GRIK3: variants seen among roughly 807,000 people sequenced by gnomAD.
GRIK3 encodes glutamate receptor ionotropic, kainate 3.
A neutral mutation model predicts 102.5 loss-of-function variants in GRIK3; 29 were observed. The ratio of observed to expected loss-of-function variants is 0.28; its 90% CI spans 0.21 to 0.39. GRIK3 has a LOEUF of 0.39. Among genes scored for constraint, GRIK3 ranks in the 10% least tolerant of loss-of-function variants. The pLI is 1.00. For missense variants in GRIK3, 908 were observed against 1,252.4 expected, an observed-to-expected ratio of 0.73 and a Z score of 4.15; for synonymous variants, 511 against 504.9, an observed-to-expected ratio of 1.01 and a Z score of -0.16.
At chr1:36,957,394 AATCTGTGCCCCGTGAGCCTGTG>A in intron 1 of GRIK3, among the ~76,000 whole-genome samples, 1 of 137,614 alleles carries the variant, frequency 7.3e-6, no homozygotes, top group East Asian at 2.2e-4. Flanking sequence ...GTGCTCTGTG[AATCTGTGCCCCGTGAGCCTGTG>A]TGCCCCATGA....
At chr1:36,873,153 C>T (rs995929397) in intron 3 of GRIK3, among the ~76,000 whole-genome samples, 4 of 152,340 alleles carry the variant, frequency 2.6e-5, no homozygotes, top group Non-Finnish European at 4.4e-5. Flanking sequence ...CTGCCACCAG[C>T]ACGTTGATAT....
rs191940222 is a variant in GRIK3 at position 36,909,502 on chromosome 1, C to T, written c.116-18406G>A. Among the ~76,000 whole-genome samples the T allele has an allele frequency of 1.7e-3, 255 of 152,190 alleles. 2 individuals are homozygous for T. The highest frequency in any genetic ancestry group is 2.9e-3 in the Admixed American group (44 of 15,298). On this transcript the variant is annotated intron_variant, in intron 1 of 15. Transcript: ENST00000373091. Reference sequence around the variant, plus strand: ...TTTTGGTAGAGACGGGGTTTCACCACGTTGACCAGGCTGATTTCGAACTCT... The same window carrying T: ...TTTTGGTAGAGACGGGGTTTCACCATGTTGACCAGGCTGATTTCGAACTCT...
In GRIK3 at chr1:37,015,816, A is replaced by G. The variant is rs370687993; in HGVS notation, c.115+18178T>C. 7.2e-5 allele frequency among the ~76,000 whole-genome samples: 11 copies of G among 152,338 alleles called. No individual in the cohort carries two copies. The South Asian group carries it at 1.7e-3, about 23-fold the overall frequency. On this transcript the variant is annotated intron_variant, in intron 1 of 15. Coordinates refer to ENST00000373091, the MANE Select transcript of GRIK3 (RefSeq NM_000831.4). ...CTGTGTGGTTTGTTATCCAGGCCCAATTAGTTGCTGGGTCTGTGTTGGAGA... is the reference window on the plus strand; with the variant it reads ...CTGTGTGGTTTGTTATCCAGGCCCAGTTAGTTGCTGGGTCTGTGTTGGAGA...
intron 1 of GRIK3, among the ~76,000 whole-genome samples, chr1:37,033,545 G>A (rs945007028): frequency 1.1e-4 from 16 of 152,226 alleles, no homozygotes; most frequent in Admixed American, 3.3e-4. Flanking sequence ...GCGGCTGCTC[G>A]AGCTATGCCA....
intron 10 of GRIK3, among the ~76,000 whole-genome samples, chr1:36,837,077 T>C (rs1237279314): frequency 6.6e-6 from 1 of 151,934 alleles, no homozygotes; most frequent in Non-Finnish European, 1.5e-5. Flanking sequence ...AGCCCAGGCA[T>C]CCTGTGGCTT....
intron 15 of GRIK3, among the ~76,000 whole-genome samples, chr1:36,802,670 G>A (rs1031364350): frequency 6.6e-6 from 1 of 152,166 alleles, no homozygotes; most frequent in Non-Finnish European, 1.5e-5. Context: ...CATCAAGAGC[G>A]CAGCGTTTCC....
chr1:37,010,727 CTTTTTTTTT>C (rs60750637), intron 1 of GRIK3, among the ~76,000 whole-genome samples: 1 of 102,488 alleles, frequency 9.8e-6, no homozygotes, highest in Non-Finnish European at 1.8e-5. Context: ...ACCTGTACCA[CTTTTTTTTT>C]TTTTTTTTTT....
chr1:36,985,273 C>T (rs543708623), intron 1 of GRIK3, among the ~76,000 whole-genome samples: 6 of 152,164 alleles, frequency 3.9e-5, no homozygotes, highest in East Asian at 3.9e-4. Flanking sequence ...GCCTTGCCCC[C>T]TCCTCTGGCT....
rs1183310900 is a variant in GRIK3, at chr1:36,850,184, CTA to C, written c.1326+125_1326+126del. The C allele has an allele frequency of 3.1e-6, 2 of 650,732 alleles. No individual in the cohort carries two copies. The highest frequency in any genetic ancestry group is 1.8e-5 in the African/African-American group (1 of 56,054). The allele number at this position is 650,732 out of a possible 1,614,324, so 40.3% of individuals were successfully genotyped here. A position where few individuals can be genotyped will look rare whatever the true frequency, so the allele number is the denominator to read the frequency against. ...GCTCTCTGAGAACTTCCTGCTGACT[CTA>C]AAAGTCTCCACCTACCTGCAGCCTC... On this transcript the variant is annotated intron_variant, in intron 9 of 15. Transcript: ENST00000373091. The surrounding 1 kb of genome is among the most constrained non-coding windows in gnomAD (Gnocchi z 4.0).
intron 1 of GRIK3, among the ~76,000 whole-genome samples, chr1:36,913,802 C>T (rs1308879929): frequency 2.0e-5 from 3 of 152,162 alleles, no homozygotes; most frequent in Non-Finnish European, 4.4e-5. Flanking sequence ...ATATCACTGC[C>T]GTCCACCATC....
chr1:36,877,483 T>C (rs2124259497), intron 3 of GRIK3, among the ~76,000 whole-genome samples: 1 of 152,316 alleles, frequency 6.6e-6, no homozygotes, highest in African/African-American at 2.4e-5. Flanking sequence ...CTTCTAAAAC[T>C]CTGCTTTGAT....
At chr1:36,919,753 G>T (rs971431991) in intron 1 of GRIK3, among the ~76,000 whole-genome samples, 1 of 152,264 alleles carries the variant, frequency 6.6e-6, no homozygotes, top group Non-Finnish European at 1.5e-5. Flanking sequence ...CTCCCACAGT[G>T]CTGGCTCTGC....
intron 10 of GRIK3, among the ~76,000 whole-genome samples, chr1:36,828,278 A>G (rs1038532635): frequency 6.6e-6 from 1 of 152,072 alleles, no homozygotes; most frequent in Admixed American, 6.5e-5. Flanking sequence ...CGTGAGAGAG[A>G]TGTAGAAGGT....
At chr1:36,989,878 A>C (rs12066663) in intron 1 of GRIK3, among the ~76,000 whole-genome samples, 7,468 of 152,248 alleles carry the variant, frequency 0.049, 454 homozygotes, top group African/African-American at 0.14. Flanking sequence ...ATCACTTCAT[A>C]CCAGGCACCA....
At chr1:36,939,501 T>C (rs947868548) in intron 1 of GRIK3, among the ~76,000 whole-genome samples, 4 of 152,270 alleles carry the variant, frequency 2.6e-5, no homozygotes, top group Admixed American at 1.3e-4. Context: ...CTAGGAGGGA[T>C]CATTTAGGAA....
intron 2 of GRIK3, among the ~76,000 whole-genome samples, chr1:36,889,311 G>A (rs554739978): frequency 6.6e-6 from 1 of 151,620 alleles, no homozygotes; most frequent in African/African-American, 2.4e-5. Flanking sequence ...CAAGCAGAGA[G>A]GGCAGCATGT....
At chr1:37,011,317 G>A (rs151220916) in intron 1 of GRIK3, among the ~76,000 whole-genome samples, 2 of 152,292 alleles carry the variant, frequency 1.3e-5, no homozygotes, top group East Asian at 3.9e-4. Context: ...TAGCTTACAA[G>A]CCCTGAGCTC....
In GRIK3 at chr1:36,819,820, A is replaced by G. The variant is rs751639226; in HGVS notation, c.1789T>C (p.Cys597Arg). 1.3e-6 allele frequency: 2 copies of G among 1,595,010 alleles called. No individual in the cohort carries two copies. The highest frequency in any genetic ancestry group is 2.7e-5 in the African/African-American group (2 of 74,666). Residue 597 changes from cysteine to arginine, a missense_variant, in exon 12 of 16, where the codon TGC (cysteine) becomes CGC (arginine). Transcript: ENST00000373091. The surrounding 1 kb of genome is among the most constrained non-coding windows in gnomAD (Gnocchi z 4.1). ...SPYEWYDAHP[C>R]NPGSEVVENN... is the part of the protein sequence containing the mutation. Reference sequence around the variant, plus strand: ...TCCACCACCTCGGAGCCAGGGTTGCAGGGGTGAGCATCGTACCACTCATAA... The same window carrying G: ...TCCACCACCTCGGAGCCAGGGTTGCGGGGGTGAGCATCGTACCACTCATAA...
chr1:36,989,487 G>A (rs1196786324), intron 1 of GRIK3, among the ~76,000 whole-genome samples: 1 of 152,236 alleles, frequency 6.6e-6, no homozygotes, highest in Non-Finnish European at 1.5e-5. Flanking sequence ...GTGTGCGAAG[G>A]AGGTCAAGGT....
Sources: allele counts gnomAD v4.1 joint callset (sites outside exome capture counted in the v4.1 genomes callset), GRCh38; gene constraint gnomAD v4.1.1; non-coding constraint Gnocchi (gnomAD v3.1); transcripts MANE v1.5; gene names NCBI Gene and HGNC (gene_info 2026-07-23, HGNC 2026-07-21).